The following SLC35F3 variants were observed in gnomAD, a reference collection of about 807,000 sequenced individuals.
The protein encoded by SLC35F3 is solute carrier family 35 member F3.
Under a neutral mutation model 49.9 loss-of-function variants are expected in SLC35F3, and 25 were observed. The ratio of observed to expected loss-of-function variants is 0.50; its 90% CI spans 0.37 to 0.70. The LOEUF (loss-of-function observed/expected upper bound fraction) is 0.70. SLC35F3 is among the 30% of genes least tolerant of loss of function. SLC35F3 has a pLI of 0.00. For synonymous variants in SLC35F3, 275 were observed against 265.4 expected (o/e 1.04, Z -0.35); for missense variants, 525 against 639.8 (o/e 0.82, Z 1.94).
intron 2 of SLC35F3, among the ~76,000 whole-genome samples, chr1:234,172,221 C>T (rs1030181636): frequency 4.1e-4 from 62 of 152,260 alleles, no homozygotes; most frequent in African/African-American, 1.4e-3. Context: ...CCCAAGAACA[C>T]ATCAATTATT....
intron 2 of SLC35F3, among the ~76,000 whole-genome samples, chr1:233,983,588 A>G (rs1045330197): frequency 1.3e-5 from 2 of 152,150 alleles, no homozygotes; most frequent in Non-Finnish European, 2.9e-5. Context: ...TGTTTCCTCT[A>G]TTGTCAGTTT....
Position 234,266,587 on chromosome 1 carries a change from CGTT to C in SLC35F3, c.608+34852_608+34854del, listed in dbSNP as rs533036254. On this transcript the variant is annotated intron_variant, in intron 3 of 7. Transcript: ENST00000366618. ...CTGAGAAATGTATCCTTAGGGATTT[CGTT>C]GTTGTGTGAACATCATATAGTGTAC... Among the ~76,000 whole-genome samples, 290 of 152,294 alleles carry C rather than the reference CGTT, an allele frequency of 1.9e-3. 2 individuals carry two copies. The highest frequency in any genetic ancestry group is 3.5e-3 in the Admixed American group (53 of 15,294).
chr1:234,252,707 C>T (rs4110480), intron 3 of SLC35F3, among the ~76,000 whole-genome samples: 121,861 of 152,166 alleles, frequency 0.8, 49,154 homozygotes, highest in African/African-American at 0.9. Flanking sequence ...AAAAAGGAGA[C>T]TTGATAATAT....
At chr1:234,230,106 G>A (rs1293076979) in intron 2 of SLC35F3, among the ~76,000 whole-genome samples, 1 of 152,142 alleles carries the variant, frequency 6.6e-6, no homozygotes, top group East Asian at 1.9e-4. Context: ...AAGTAATGAA[G>A]CACAATAGAG....
chr1:234,321,647 A>T (rs542420232), intron 7 of SLC35F3, among the ~76,000 whole-genome samples: 2 of 152,324 alleles, frequency 1.3e-5, no homozygotes, highest in South Asian at 4.1e-4. Flanking sequence ...TGTTTGAGAG[A>T]TTCATTAAAA....
At chr1:234,271,258 A>G (rs1256046820) in intron 3 of SLC35F3, among the ~76,000 whole-genome samples, 1 of 152,154 alleles carries the variant, frequency 6.6e-6, no homozygotes, top group Non-Finnish European at 1.5e-5. Context: ...GTTTATTCCT[A>G]TTGTTGTCAT....
In SLC35F3 at chr1:234,231,623, G is replaced by T. The variant is rs765898996; in HGVS notation, c.490G>T (p.Asp164Tyr). ...QLAKLTFRKF[D>Y]APFTLTWFAT... is the part of the protein sequence containing the mutation. ...CGCCAAGCTGACCTTCAGGAAGTTC[G>T]ACGCGCCCTTCACCCTCACGTGGTT... is the stretch of plus-strand genomic sequence containing the variant. Residue 164 changes from aspartate (D) to tyrosine (Y), a missense_variant, in exon 3 of 8, where the codon GAC becomes TAC. This residue lies in a region of SLC35F3 where 216 missense variants were observed against 298.1 expected (regional missense o/e 0.72). Coordinates refer to ENST00000366618, the MANE Select transcript of SLC35F3 (RefSeq NM_173508.4). The surrounding 1 kb of genome is among the most constrained non-coding windows in gnomAD (Gnocchi z 5.4). 6.2e-7 allele frequency: 1 copy of T among 1,614,088 alleles called. No homozygotes were observed. Among genetic ancestry groups the T allele is most frequent in the African/African-American group, 1.3e-5 (1 of 74,934 alleles).
chr1:234,103,245 A>AC (rs1400096370), intron 2 of SLC35F3, among the ~76,000 whole-genome samples: 1 of 151,682 alleles, frequency 6.6e-6, no homozygotes, highest in African/African-American at 2.4e-5. Flanking sequence ...ATTGGTACCC[A>AC]CCCCCACCCT....
chr1:233,986,836 T>C (rs1431871324), intron 2 of SLC35F3, among the ~76,000 whole-genome samples: 1 of 152,222 alleles, frequency 6.6e-6, no homozygotes, highest in Non-Finnish European at 1.5e-5. Flanking sequence ...CATGGATTGA[T>C]TACGTCCCAG....
At chr1:233,954,890 C>T (rs914216796) in intron 2 of SLC35F3, among the ~76,000 whole-genome samples, 2 of 152,176 alleles carry the variant, frequency 1.3e-5, no homozygotes, top group Non-Finnish European at 1.5e-5. Flanking sequence ...GTTGCCCAGC[C>T]TGGAGTGCAA....
chr1:234,223,372 C>T (rs750365378), intron 2 of SLC35F3, among the ~76,000 whole-genome samples: 1 of 152,116 alleles, frequency 6.6e-6, no homozygotes, highest in Non-Finnish European at 1.5e-5. Context: ...TCAAAGAAGC[C>T]TCCACCACCC....
chr1:233,972,320 C>T (rs1230016610), intron 2 of SLC35F3, among the ~76,000 whole-genome samples: 2 of 152,322 alleles, frequency 1.3e-5, no homozygotes, highest in East Asian at 3.9e-4. Context: ...AAGCATCAAG[C>T]ATATTTTACA....
chr1:234,266,885 T>TG lies in SLC35F3; in HGVS notation c.608+35144_608+35145insG, dbSNP rs200734719. On this transcript the variant is annotated intron_variant, in intron 3 of 7. Coordinates refer to ENST00000366618, the MANE Select transcript of SLC35F3 (RefSeq NM_173508.4). ...TATGAAGCACATGGTTTTTTTTTTT[T>TG]TTTTTTTTTTTTATTGATCATTCTT... Among the ~76,000 whole-genome samples, 144 of 145,608 alleles carry TG rather than the reference T, an allele frequency of 9.9e-4. 4 individuals are homozygous for TG. In the East Asian group the frequency reaches 0.026, roughly 26 times the overall value.
At chr1:234,086,413 A>T (rs10495343) in intron 2 of SLC35F3, among the ~76,000 whole-genome samples, 1,530 of 152,266 alleles carry the variant, frequency 0.01, 24 homozygotes, top group African/African-American at 0.035. Flanking sequence ...TTGGGTTTTG[A>T]AGCAGAAATC....
chr1:234,098,539 A>T (rs1257281284), intron 2 of SLC35F3, among the ~76,000 whole-genome samples: 1 of 137,592 alleles, frequency 7.3e-6, no homozygotes, highest in Admixed American at 7.4e-5. Flanking sequence ...TAGAGTGATG[A>T]TGGTGGTGGT....
In SLC35F3 at chr1:234,198,961, A is replaced by G. The variant is rs372689509; in HGVS notation, c.284-32456A>G. ...CAGCTGGGTGCAATGGCTCATGTCT[A>G]TAATCCCGGAACATTGGGAGACCAA... On this transcript the variant is annotated intron_variant, in intron 2 of 7. Transcript: ENST00000366618. Among the ~76,000 whole-genome samples, 44 of 152,170 alleles carry G rather than the reference A, an allele frequency of 2.9e-4. No homozygotes were observed. The South Asian group carries it at 7.5e-3, about 26-fold the overall frequency.
intron 2 of SLC35F3, among the ~76,000 whole-genome samples, chr1:234,200,546 G>C (rs1221648864): frequency 6.6e-6 from 1 of 152,106 alleles, no homozygotes; most frequent in Non-Finnish European, 1.5e-5. Context: ...TCTCCCAGGA[G>C]CCTCACATTT....
At chr1:233,921,701 G>A (rs1243948943) in intron 2 of SLC35F3, among the ~76,000 whole-genome samples, 2 of 151,838 alleles carry the variant, frequency 1.3e-5, no homozygotes, top group Non-Finnish European at 2.9e-5. Flanking sequence ...TGTGCACAAC[G>A]TGCAGGTATG....
intron 2 of SLC35F3, among the ~76,000 whole-genome samples, chr1:233,991,765 A>G (rs1663358590): frequency 6.6e-6 from 1 of 152,206 alleles, no homozygotes; most frequent in Admixed American, 6.5e-5. Context: ...TCATGCATTT[A>G]GAGGACTAAG....
Sources: allele counts gnomAD v4.1 joint callset (sites outside exome capture counted in the v4.1 genomes callset), GRCh38; gene constraint gnomAD v4.1.1; regional missense constraint gnomAD v4.1.1; non-coding constraint Gnocchi (gnomAD v3.1); transcripts MANE v1.5; gene names NCBI Gene and HGNC (gene_info 2026-07-23, HGNC 2026-07-21).